The following PBRM1 variants were observed in gnomAD, a reference collection of about 807,000 sequenced individuals.
PBRM1 encodes protein polybromo-1.
A neutral mutation model predicts 194.5 loss-of-function variants in PBRM1; 27 were observed. The ratio of observed to expected loss-of-function variants is 0.14; its 90% CI spans 0.10 to 0.19. The LOEUF is 0.19. PBRM1 is among the 10% of genes least tolerant of loss of function. The pLI is 1.00. For synonymous variants in PBRM1, 655 were observed against 693.2 expected, an observed-to-expected ratio of 0.94 and a Z score of 0.87; for missense variants, 1,466 against 2,077.2, an observed-to-expected ratio of 0.71 and a Z score of 5.72.
chr3:52,619,460 GAA>G (rs1014864750), intron 13 of PBRM1, among the ~76,000 whole-genome samples: 1 of 151,946 alleles, frequency 6.6e-6, no homozygotes, highest in Admixed American at 6.6e-5. Context: ...GGACATGACA[GAA>G]AAAAAGTCTG....
At chr3:52,590,709 C>T (rs960059151) in intron 17 of PBRM1, among the ~76,000 whole-genome samples, 6 of 152,058 alleles carry the variant, frequency 3.9e-5, no homozygotes, top group Admixed American at 3.3e-4. Context: ...GTGATCTGCC[C>T]GCCTTAGCCT....
At chr3:52,596,794 G>T (rs1321131359) in intron 17 of PBRM1, among the ~76,000 whole-genome samples, 1 of 152,148 alleles carries the variant, frequency 6.6e-6, no homozygotes, top group Non-Finnish European at 1.5e-5. Flanking sequence ...GCTGCCCAGG[G>T]TTGGGGAGGG....
Position 52,617,554 on chromosome 3 carries a change from T to C in PBRM1, c.1542-16A>G, listed in dbSNP as rs756823867. 4.4e-5 allele frequency: 69 copies of C among 1,573,974 alleles called. No homozygotes were observed. The highest frequency in any genetic ancestry group is 5.5e-5 in the Non-Finnish European group (64 of 1,167,186). Reference sequence around the variant, plus strand: ...GTTCTTTTTACTGTTGAGGGGGAGGTAGAAAAGGGGAAAAATTAGAATAGG... The same window carrying C: ...GTTCTTTTTACTGTTGAGGGGGAGGCAGAAAAGGGGAAAAATTAGAATAGG... On this transcript the variant is annotated splice_polypyrimidine_tract_variant and intron_variant, in intron 13 of 29. Coordinates refer to ENST00000296302, the Ensembl canonical transcript of PBRM1.
intron 10 of PBRM1, among the ~76,000 whole-genome samples, chr3:52,640,682 C>T (rs985110300): frequency 6.6e-6 from 1 of 152,122 alleles, no homozygotes; most frequent in South Asian, 2.1e-4. Flanking sequence ...TGCTCTGTTG[C>T]CCAGGCTGGA....
chr3:52,563,576 TA>T (rs2084241053), intron 23 of PBRM1, 83 bp from the exon 26 acceptor site: 1 of 894,328 alleles, frequency 1.1e-6, no homozygotes, highest in East Asian at 2.4e-5. Flanking sequence ...CCTTAACAAC[TA>T]GAAGTGACTT....
intron 17 of PBRM1, among the ~76,000 whole-genome samples, chr3:52,596,984 G>T (rs1305782626): frequency 6.6e-6 from 1 of 152,136 alleles, no homozygotes; most frequent in Admixed American, 6.6e-5. Flanking sequence ...CAGTGGCAAG[G>T]CTTGCTGGAA....
upstream of PBRM1, chr3:52,679,803 A>G: frequency 8.8e-7 from 1 of 1,129,944 alleles, no homozygotes. Context: ...ACCTGCTACC[A>G]AACTCCTGGC....
chr3:52,565,080 T>TCCC (rs148279396), intron 22 of PBRM1, among the ~76,000 whole-genome samples: 4,367 of 151,770 alleles, frequency 0.029, 211 homozygotes, highest in African/African-American at 0.1. Context: ...GCACCTGTAC[T>TCCC]CCCAGCTACT....
chr3:52,603,349 G>A (rs2094134021), intron 17 of PBRM1, among the ~76,000 whole-genome samples, 172 bp downstream of exon 19: 1 of 152,244 alleles, frequency 6.6e-6, no homozygotes, highest in African/African-American at 2.4e-5. Flanking sequence ...TCCCAGGTCT[G>A]ATGACCAAAT....
At position 52,592,104 on chromosome 3, in the gene PBRM1, T is replaced by C. The variant is rs534866371; in HGVS notation, c.2780-2849A>G. Among the ~76,000 whole-genome samples, 518 of 147,726 alleles carry C rather than the reference T, an allele frequency of 3.5e-3. 1 individual carries two copies. The highest frequency in any genetic ancestry group is 5.3e-3 in the Non-Finnish European group (353 of 67,092). On this transcript the variant is annotated intron_variant, in intron 17 of 29. Coordinates refer to ENST00000296302, the Ensembl canonical transcript of PBRM1. ...CCTCCCAAGGTACTGGGATTACAGG[T>C]GTGAGCCACTGCACCAGGTTTTTTT...
intron 2 of PBRM1, among the ~76,000 whole-genome samples, chr3:52,673,277 C>T (rs1156320973): frequency 6.6e-6 from 1 of 151,440 alleles, no homozygotes; most frequent in Non-Finnish European, 1.5e-5. Context: ...CATGAGCCAC[C>T]GCGCCCAGCC....
intron 26 of PBRM1, among the ~76,000 whole-genome samples, chr3:52,555,980 A>G (rs1393438809): frequency 1.3e-5 from 2 of 152,164 alleles, no homozygotes; most frequent in Non-Finnish European, 2.9e-5. Flanking sequence ...TAAGAACACA[A>G]AGCTCCCCCC....
At chr3:52,555,633 G>C (rs1445102596) in intron 26 of PBRM1, among the ~76,000 whole-genome samples, 1 of 152,178 alleles carries the variant, frequency 6.6e-6, no homozygotes, top group Non-Finnish European at 1.5e-5. Flanking sequence ...ATTGGGCTCT[G>C]CTGATATGAG....
intron 2 of PBRM1, among the ~76,000 whole-genome samples, chr3:52,676,403 A>G (rs1027961754): frequency 6.6e-6 from 1 of 152,180 alleles, no homozygotes; most frequent in African/African-American, 2.4e-5. Flanking sequence ...ATAGTGATTA[A>G]GTTGCATGAG....
intron 12 of PBRM1, among the ~76,000 whole-genome samples, chr3:52,627,625 G>A (rs1011633872): frequency 6.6e-6 from 1 of 152,164 alleles, no homozygotes; most frequent in Non-Finnish European, 1.5e-5. Flanking sequence ...ACTATAATGG[G>A]TGCTAACTGG....
chr3:52,629,729 G>C (rs554080396), intron 11 of PBRM1, among the ~76,000 whole-genome samples: 12 of 152,150 alleles, frequency 7.9e-5, no homozygotes, highest in Non-Finnish European at 1.8e-4. Context: ...GTACAAAGTA[G>C]AGTCACTATT....
At position 52,563,508 on chromosome 3, in the gene PBRM1, A is replaced by ATAAAAAACC; in HGVS notation, c.3876-24_3876-16dup. On this transcript the variant is annotated splice_polypyrimidine_tract_variant and intron_variant, in intron 23 of 29. Coordinates refer to ENST00000296302, the Ensembl canonical transcript of PBRM1. Reference sequence around the variant, plus strand: ...CAATTGGTTTTCTGAAAAAAGTGACATAAAAAACCTAAAATCACCTAATGC... The same window carrying ATAAAAAACC: ...CAATTGGTTTTCTGAAAAAAGTGACATAAAAAACCTAAAAAACCTAAAATCACCTAATGC... 1 of 1,600,792 alleles carries ATAAAAAACC rather than the reference A, an allele frequency of 6.2e-7. No homozygotes were observed. Among genetic ancestry groups the ATAAAAAACC allele is most frequent in the Non-Finnish European group, 8.6e-7 (1 of 1,168,016 alleles).
chr3:52,551,223 A>G (rs1454919685), intron 27 of PBRM1, among the ~76,000 whole-genome samples: 1 of 152,214 alleles, frequency 6.6e-6, no homozygotes, highest in African/African-American at 2.4e-5. Context: ...AGCAGTAAGC[A>G]ATGTGCTAGG....
intron 20 of PBRM1, among the ~76,000 whole-genome samples, chr3:52,581,180 A>C (rs1483903543): frequency 1.3e-5 from 2 of 152,222 alleles, no homozygotes; most frequent in African/African-American, 4.8e-5. Context: ...ATGACTTCAA[A>C]TGTGATACTG....
Sources: gnomAD v4.1 joint callset for allele counts (sites outside exome capture counted in the v4.1 genomes callset) on GRCh38, gnomAD v4.1.1 for gene constraint, MANE v1.5 for transcripts, NCBI Gene and HGNC (gene_info 2026-07-23, HGNC 2026-07-21) for gene names.